Variants in DENND5A observed in about 807,000 individuals in gnomAD.
DENND5A encodes DENN domain containing 5A, also known as DENN domain-containing protein 5A.
Under a neutral mutation model 140.3 loss-of-function variants are expected in DENND5A, and 64 were observed. That is an observed-to-expected ratio of 0.46 (90% CI 0.37 to 0.56). The LOEUF (loss-of-function observed/expected upper bound fraction) is 0.56, where lower values mean the gene tolerates loss of function less well. DENND5A is among the 20% of genes least tolerant of loss of function. The pLI is 0.00. For synonymous variants in DENND5A, 605 were observed against 607.7 expected (o/e 1.00, Z 0.07); for missense variants, 1,292 against 1,593.8 (o/e 0.81, Z 3.22).
chr11:9,223,598 G>A (rs1850406841), intron 1 of DENND5A, among the ~76,000 whole-genome samples: 1 of 150,632 alleles, frequency 6.6e-6, no homozygotes, highest in Non-Finnish European at 1.5e-5. Flanking sequence ...CCACACCTGA[G>A]GTCCCAGCTA....
chr11:9,178,827 C>G, intron 7 of DENND5A, 31 bp downstream of exon 7: 1 of 1,577,032 alleles, frequency 6.3e-7, no homozygotes. Context: ...GTTCTCATTC[C>G]TCACCACCTC....
chr11:9,214,400 A>C (rs962932777), intron 1 of DENND5A, among the ~76,000 whole-genome samples: 3 of 152,198 alleles, frequency 2.0e-5, no homozygotes, highest in African/African-American at 7.2e-5. Flanking sequence ...TAACCTTATC[A>C]TTACTTTTAT....
At chr11:9,150,034 C>G in intron 15 of DENND5A, 47 bp downstream of exon 15, 1 of 1,573,448 alleles carries the variant, frequency 6.4e-7, no homozygotes, top group Non-Finnish European at 8.6e-7. Flanking sequence ...CAATCTCTTC[C>G]CTCCATTCCT....
Position 9,180,938 on chromosome 11 carries a change from G to A in DENND5A, c.1284C>T (p.Cys428=), listed in dbSNP as rs753338218. 1 of 1,614,134 alleles carries A rather than the reference G, an allele frequency of 6.2e-7. No individual in the cohort carries two copies. Among genetic ancestry groups the A allele is most frequent in the Non-Finnish European group, 8.5e-7 (1 of 1,180,036 alleles). ...FGIPPEGNLH[C]SESASKLKRL... ...TCTTCAGCTTGGAGGCACTCTCACT[G>A]CAATGAAGATTCCCTTCAGGGGGAA... is the stretch of plus-strand genomic sequence containing the variant. Residue 428 remains cysteine (C), a synonymous_variant, in exon 6 of 23, where the codon TGC becomes TGT. Coordinates refer to ENST00000328194, the MANE Select transcript of DENND5A (RefSeq NM_015213.4).
At chr11:9,141,127 AAAATAAAT>A (rs35402073) in intron 22 of DENND5A, among the ~76,000 whole-genome samples, 11 of 151,518 alleles carry the variant, frequency 7.3e-5, no homozygotes, top group Non-Finnish European at 1.3e-4. Context: ...ACTCCATCTC[AAAATAAAT>A]AAATAAATAA....
intron 6 of DENND5A, among the ~76,000 whole-genome samples, chr11:9,179,781 G>A (rs779817801): frequency 6.6e-6 from 1 of 152,116 alleles, no homozygotes; most frequent in African/African-American, 2.4e-5. Flanking sequence ...TTACAGGCGT[G>A]AGCCACCGCA....
chr11:9,142,396 C>G (rs1304480746), intron 21 of DENND5A, among the ~76,000 whole-genome samples: 2 of 152,140 alleles, frequency 1.3e-5, no homozygotes, highest in African/African-American at 2.4e-5. Context: ...CATATGGGTG[C>G]AACACAGGGC....
chr11:9,181,088 G>A lies in DENND5A; in HGVS notation c.1138-4C>T, dbSNP rs1268885038. The A allele has an allele frequency of 1.9e-6, 3 of 1,610,612 alleles. No homozygotes were observed. The South Asian group carries it at 3.3e-5, about 18-fold the overall frequency. On this transcript the variant is annotated splice_region_variant and splice_polypyrimidine_tract_variant and intron_variant, in intron 5 of 22. Coordinates refer to ENST00000328194, the MANE Select transcript of DENND5A (RefSeq NM_015213.4). ...TGTCCACAAAGCAGAGGTTAGCCTG[G>A]AAGTCAAAACAGGATGAGGAGTATG...
chr11:9,205,076 A>G (rs182103759), intron 3 of DENND5A, among the ~76,000 whole-genome samples: 54 of 152,324 alleles, frequency 3.5e-4, no homozygotes, highest in Non-Finnish European at 1.5e-5. Context: ...GCAACTTTAT[A>G]CCTAAAAATA....
chr11:9,207,342 C>T (rs965899930), intron 2 of DENND5A: 9 of 526,352 alleles, frequency 1.7e-5, no homozygotes, highest in African/African-American at 1.6e-4. Context: ...TCCCATTCCC[C>T]CTCCTAAAAA....
At chr11:9,164,299 C>A (rs1278526815) in intron 11 of DENND5A, among the ~76,000 whole-genome samples, 2 of 146,844 alleles carry the variant, frequency 1.4e-5, no homozygotes, top group East Asian at 4.1e-4. Context: ...GTGATTCACC[C>A]ACCTCAATCT....
At chr11:9,239,956 CA>C (rs1851164610) in intron 1 of DENND5A, among the ~76,000 whole-genome samples, 2 of 152,148 alleles carry the variant, frequency 1.3e-5, no homozygotes, top group African/African-American at 4.8e-5. Context: ...TTAAATTAAT[CA>C]ATGAATAAAT....
At chr11:9,233,077 G>A (rs1016282888) in intron 1 of DENND5A, among the ~76,000 whole-genome samples, 6 of 152,188 alleles carry the variant, frequency 3.9e-5, no homozygotes, top group Non-Finnish European at 8.8e-5. Context: ...AATAGTGACT[G>A]AAGTAGACTA....
chr11:9,210,602 G>A (rs938953083), intron 1 of DENND5A, among the ~76,000 whole-genome samples: 3 of 152,274 alleles, frequency 2.0e-5, no homozygotes, highest in Middle Eastern at 3.4e-3. Flanking sequence ...GGGGTGCAGT[G>A]GCACAATCAC....
chr11:9,235,857 T>C (rs1850978706), intron 1 of DENND5A, among the ~76,000 whole-genome samples: 2 of 152,100 alleles, frequency 1.3e-5, no homozygotes, highest in Non-Finnish European at 2.9e-5. Context: ...GAGTGCAGCA[T>C]TTTCTTTTGA....
intron 6 of DENND5A, 58 bp downstream of exon 6, chr11:9,180,709 A>T: frequency 6.5e-7 from 1 of 1,532,196 alleles, no homozygotes; most frequent in South Asian, 1.2e-5. Context: ...ACCTTACTTC[A>T]CCAGGACAGC....
intron 11 of DENND5A, among the ~76,000 whole-genome samples, chr11:9,163,731 G>T (rs1395325450): frequency 6.6e-6 from 1 of 151,138 alleles, no homozygotes; most frequent in Admixed American, 6.6e-5. Flanking sequence ...TTGAACCTGG[G>T]AGGCAGAGGT....
chr11:9,162,427 T>C (rs534910078), intron 11 of DENND5A, among the ~76,000 whole-genome samples: 52 of 151,732 alleles, frequency 3.4e-4, no homozygotes, highest in Non-Finnish European at 6.2e-4. Flanking sequence ...TTAGTAGAGA[T>C]GGGGTTTCTC....
At chr11:9,200,094 T>C (rs1849474016) in intron 4 of DENND5A, among the ~76,000 whole-genome samples, 1 of 152,226 alleles carries the variant, frequency 6.6e-6, no homozygotes, top group Non-Finnish European at 1.5e-5. Flanking sequence ...CAGTAACCCA[T>C]ATTCTAGGAA....
Sources: gnomAD v4.1 joint callset for allele counts (sites outside exome capture counted in the v4.1 genomes callset) on GRCh38, gnomAD v4.1.1 for gene constraint, MANE v1.5 for transcripts, NCBI Gene and HGNC (gene_info 2026-07-23, HGNC 2026-07-21) for gene names.